The following STX12 variants were observed in gnomAD, a reference collection of about 807,000 sequenced individuals.
The protein encoded by STX12 is syntaxin 12, also known as syntaxin-12.
In STX12, 17 loss-of-function variants were observed where a neutral mutation model predicts 42.2. The observed-to-expected ratio is 0.40, with a 90% confidence interval of 0.28 to 0.60. The LOEUF (loss-of-function observed/expected upper bound fraction) is 0.60, where lower values mean the gene tolerates loss of function less well. Among genes scored for constraint, STX12 ranks in the 20% least tolerant of loss-of-function variants. The pLI, the probability that STX12 is intolerant of heterozygous loss-of-function variation, is 0.39. For missense variants in STX12, 297 were observed against 330.9 expected, an observed-to-expected ratio of 0.90 and a Z score of 0.79; for synonymous variants, 108 against 116.7, an observed-to-expected ratio of 0.93 and a Z score of 0.48.
At chr1:27,780,161 T>C (rs1263948779) in intron 1 of STX12, among the ~76,000 whole-genome samples, 2 of 151,786 alleles carry the variant, frequency 1.3e-5, no homozygotes, top group African/African-American at 2.4e-5. Context: ...ACAAATCCTC[T>C]CAGTTGTGCA....
At chr1:27,797,300 G>A (rs899511725) in intron 3 of STX12, among the ~76,000 whole-genome samples, 14 of 152,130 alleles carry the variant, frequency 9.2e-5, no homozygotes, top group African/African-American at 2.4e-4. Context: ...CAAGTGATCC[G>A]CCTGCCTCGG....
At chr1:27,811,855 T>A in intron 5 of STX12, 1 of 419,000 alleles carries the variant, frequency 2.4e-6, no homozygotes, top group Non-Finnish European at 4.6e-6. Context: ...CTGGCTACTT[T>A]CCTTGTCTGG....
At chr1:27,781,840 G>T (rs1171667826) in intron 1 of STX12, among the ~76,000 whole-genome samples, 4 of 152,060 alleles carry the variant, frequency 2.6e-5, no homozygotes, top group Admixed American at 2.0e-4. Context: ...GTACTTAATT[G>T]ATTTTATTAC....
In STX12 at chr1:27,773,351, C is replaced by G; in HGVS notation, c.44C>G (p.Ser15Trp). The G allele has an allele frequency of 1.2e-6, 2 of 1,612,714 alleles. No individual in the cohort carries two copies. The highest frequency in any genetic ancestry group is 1.7e-6 in the Non-Finnish European group (2 of 1,179,168). Reference sequence around the variant, plus strand: ...GACATGTACCGGAACCCGGGGCCCTCGGGGCCCCAGCTCCGGGACTTCAGC... The same window carrying G: ...GACATGTACCGGAACCCGGGGCCCTGGGGGCCCCAGCTCCGGGACTTCAGC... ...PLDMYRNPGP[S>W]GPQLRDFSSI... The change falls in exon 1 of 9, where the codon TCG (serine) becomes TGG (tryptophan). Residue 15 changes from serine (S) to tryptophan (W), a missense_variant. Ser to Trp is a radical substitution (Grantham distance 177). Transcript: ENST00000373943.
intron 5 of STX12, among the ~76,000 whole-genome samples, chr1:27,810,599 A>G (rs1434502005): frequency 6.6e-6 from 1 of 152,184 alleles, no homozygotes; most frequent in African/African-American, 2.4e-5. Context: ...TAGGAAGTCT[A>G]AGTCATCTTA....
chr1:27,782,287 A>G (rs543585250), intron 1 of STX12, among the ~76,000 whole-genome samples: 123 of 152,120 alleles, frequency 8.1e-4, no homozygotes, highest in African/African-American at 2.9e-3. Flanking sequence ...TTTTGTAGAG[A>G]CGGGCTCACT....
Position 27,789,569 on chromosome 1 carries a change from G to C in STX12, c.126G>C (p.Gln42His), listed in dbSNP as rs1015214476. Residue 42 changes from glutamine (Q) to histidine (H), a missense_variant, in exon 2 of 9, where the codon CAG becomes CAC. By Grantham distance (24) the Gln-to-His change is conservative. Transcript: ENST00000373943. ...NIQRISQATAQIKNLMSQLGT... is the reference protein window; with the variant it reads ...NIQRISQATAHIKNLMSQLGT... ...TTCTTCCTATCTCCCCAGCTGCTCA[G>C]ATAAAGAATTTGATGAGCCAGCTAG... 1.9e-6 allele frequency: 3 copies of C among 1,613,358 alleles called. No homozygotes were observed. Among genetic ancestry groups the C allele is most frequent in the African/African-American group, 1.3e-5 (1 of 75,004 alleles).
At chr1:27,819,779 AG>A in intron 8 of STX12, 47 bp downstream of exon 8, 1 of 1,526,174 alleles carries the variant, frequency 6.6e-7, no homozygotes, top group East Asian at 2.3e-5. Context: ...CAGACTTTTT[AG>A]GCCATCAGAG....
intron 4 of STX12, among the ~76,000 whole-genome samples, chr1:27,808,311 T>TTTTTTTTA (rs1553182789): frequency 6.9e-6 from 1 of 144,158 alleles, no homozygotes. Context: ...TTGCTTTGTT[T>TTTTTTTTA]TTTATTTATT....
intron 2 of STX12, among the ~76,000 whole-genome samples, chr1:27,792,013 T>C (rs1472754111): frequency 1.4e-5 from 2 of 144,036 alleles, no homozygotes; most frequent in South Asian, 2.1e-4. Flanking sequence ...ATAAATATAG[T>C]ATATAAATAT....
At chr1:27,821,352 A>G (rs2088983153) in intron 8 of STX12, among the ~76,000 whole-genome samples, 1 of 152,142 alleles carries the variant, frequency 6.6e-6, no homozygotes, top group African/African-American at 2.4e-5. Context: ...ACATCCACTC[A>G]TTGTTGCATA....
At chr1:27,795,079 C>T (rs1345711299) in intron 3 of STX12, among the ~76,000 whole-genome samples, 1 of 152,064 alleles carries the variant, frequency 6.6e-6, no homozygotes, top group Admixed American at 6.6e-5. Context: ...TATCTGATGG[C>T]TCTGAAGACA....
At chr1:27,802,605 T>G (rs932173528) in intron 4 of STX12, among the ~76,000 whole-genome samples, 3 of 152,210 alleles carry the variant, frequency 2.0e-5, no homozygotes, top group African/African-American at 7.2e-5. Context: ...AATGGTTCAG[T>G]GGTCCTGGAC....
chr1:27,775,295 A>G (rs749594863), intron 1 of STX12, among the ~76,000 whole-genome samples: 3 of 152,128 alleles, frequency 2.0e-5, no homozygotes, highest in Non-Finnish European at 4.4e-5. Context: ...ATTTTGAGAC[A>G]GGGTCTCACT....
At position 27,818,476 on chromosome 1, in the gene STX12, C is replaced by T. The variant is rs12738001; in HGVS notation, c.649+553C>T. On this transcript the variant is annotated intron_variant, in intron 7 of 8. Coordinates refer to ENST00000373943, the MANE Select transcript of STX12 (RefSeq NM_177424.3). ...TTTAAAAATTACCAAATTTATTTTT[C>T]GTAGCAATTTTTTTATGTTATCAAA... Among the ~76,000 whole-genome samples the T allele has an allele frequency of 9.2e-5, 14 of 151,796 alleles. No individual in the cohort carries two copies. The South Asian group carries it at 2.7e-3, about 29-fold the overall frequency.
chr1:27,808,029 A>G (rs1326745794), intron 4 of STX12, among the ~76,000 whole-genome samples: 1 of 152,138 alleles, frequency 6.6e-6, no homozygotes. Context: ...CAAGAAAATG[A>G]TTTTCACAAA....
intron 1 of STX12, among the ~76,000 whole-genome samples, chr1:27,787,938 T>G (rs950274767): frequency 1.3e-5 from 2 of 152,212 alleles, no homozygotes; most frequent in African/African-American, 4.8e-5. Flanking sequence ...ATTCACAAAT[T>G]ATACAATATA....
chr1:27,806,097 A>G (rs976460624), intron 4 of STX12, among the ~76,000 whole-genome samples: 2 of 152,236 alleles, frequency 1.3e-5, no homozygotes, highest in Non-Finnish European at 2.9e-5. Context: ...AAAAAAATAC[A>G]TATTTCCATC....
intron 2 of STX12, among the ~76,000 whole-genome samples, chr1:27,790,686 A>G (rs2088733951): frequency 6.6e-6 from 1 of 152,242 alleles, no homozygotes; most frequent in Non-Finnish European, 1.5e-5. Context: ...TCATGCCTGT[A>G]ATCCCAGCAC....
Sources: gnomAD v4.1 joint callset for allele counts (sites outside exome capture counted in the v4.1 genomes callset) on GRCh38, gnomAD v4.1.1 for gene constraint, MANE v1.5 for transcripts, NCBI Gene and HGNC (gene_info 2026-07-23, HGNC 2026-07-21) for gene names.